HS3ST2: variants seen among roughly 807,000 people sequenced by gnomAD.
HS3ST2 encodes heparan sulfate glucosamine 3-O-sulfotransferase 2.
HS3ST2 carries 17 observed loss-of-function variants against 26.3 expected under a neutral mutation model. That is an observed-to-expected ratio of 0.65 (90% CI 0.44 to 0.97). The LOEUF is 0.97. HS3ST2 is among the 50% of genes least tolerant of loss of function. HS3ST2 has a pLI of 0.00. For missense variants in HS3ST2, 402 were observed against 501.2 expected, an observed-to-expected ratio of 0.80 and a Z score of 1.89; for synonymous variants, 237 against 219.2, an observed-to-expected ratio of 1.08 and a Z score of -0.72.
chr16:22,891,264 C>T (rs1364554136), intron 1 of HS3ST2, among the ~76,000 whole-genome samples: 2 of 152,192 alleles, frequency 1.3e-5, no homozygotes, highest in African/African-American at 4.8e-5. Flanking sequence ...ATCATAACTA[C>T]AGCTAGCAAG....
chr16:22,819,365 A>G (rs987359126), intron 1 of HS3ST2, among the ~76,000 whole-genome samples: 1 of 152,112 alleles, frequency 6.6e-6, no homozygotes, highest in Non-Finnish European at 1.5e-5. Context: ...ATCTAAGGTT[A>G]TCTTTAGGAT....
In HS3ST2 at chr16:22,826,887, G is replaced by T. The variant is rs147912113; in HGVS notation, c.485+11792G>T. 4.0e-3 allele frequency among the ~76,000 whole-genome samples: 611 copies of T among 152,314 alleles called. 5 individuals are homozygous for T. The highest frequency in any genetic ancestry group is 0.013 in the African/African-American group (545 of 41,564). On this transcript the variant is annotated intron_variant, in intron 1 of 1. Coordinates refer to ENST00000261374, the MANE Select transcript of HS3ST2 (RefSeq NM_006043.2). ...ATGAAAAAAACAGACAACAATTTCTGCCTTCATGCTGCTTACTTTTCTACA... is the reference window on the plus strand; with the variant it reads ...ATGAAAAAAACAGACAACAATTTCTTCCTTCATGCTGCTTACTTTTCTACA...
chr16:22,853,178 C>T (rs545368378), intron 1 of HS3ST2, among the ~76,000 whole-genome samples: 33 of 152,078 alleles, frequency 2.2e-4, no homozygotes, highest in Non-Finnish European at 4.0e-4. Flanking sequence ...TCAGAAAGCC[C>T]CCCATGCACC....
At chr16:22,877,415 G>A (rs755438642) in intron 1 of HS3ST2, among the ~76,000 whole-genome samples, 2 of 152,228 alleles carry the variant, frequency 1.3e-5, no homozygotes, top group Non-Finnish European at 2.9e-5. Flanking sequence ...GACTCAACAT[G>A]AGCAGACTGG....
intron 1 of HS3ST2, among the ~76,000 whole-genome samples, chr16:22,878,677 C>T (rs536947430): frequency 2.0e-5 from 3 of 152,064 alleles, no homozygotes; most frequent in Admixed American, 2.0e-4. Context: ...AGAAAAACAA[C>T]AAGAATTGAG....
chr16:22,893,826 C>T (rs947148240), intron 1 of HS3ST2, among the ~76,000 whole-genome samples: 27 of 151,820 alleles, frequency 1.8e-4, no homozygotes, highest in Non-Finnish European at 3.2e-4. Context: ...GTCCCACTGT[C>T]GCCCAGACTG....
At chr16:22,870,939 A>G (rs1009594392) in intron 1 of HS3ST2, among the ~76,000 whole-genome samples, 8 of 152,228 alleles carry the variant, frequency 5.3e-5, no homozygotes, top group Admixed American at 2.6e-4. Context: ...CGACTTTATG[A>G]TGGTGGAAAA....
At chr16:22,837,834 G>C (rs146162573) in intron 1 of HS3ST2, among the ~76,000 whole-genome samples, 1 of 151,682 alleles carries the variant, frequency 6.6e-6, no homozygotes, top group Non-Finnish European at 1.5e-5. Flanking sequence ...TACTATACTC[G>C]TTCTTCTTGT....
intron 1 of HS3ST2, among the ~76,000 whole-genome samples, chr16:22,850,896 C>A (rs1901510418): frequency 6.6e-6 from 1 of 152,158 alleles, no homozygotes; most frequent in Admixed American, 6.6e-5. Context: ...TGGGCTGTAA[C>A]CATCTGAGGG....
chr16:22,816,850 C>T (rs992993227), intron 1 of HS3ST2, among the ~76,000 whole-genome samples: 13 of 152,160 alleles, frequency 8.5e-5, no homozygotes, highest in African/African-American at 2.7e-4. Flanking sequence ...TTTGCCAATG[C>T]GAAGTGCCTT....
intron 1 of HS3ST2, among the ~76,000 whole-genome samples, chr16:22,856,987 A>T (rs577542584): frequency 2.6e-5 from 4 of 152,260 alleles, no homozygotes; most frequent in African/African-American, 9.6e-5. Flanking sequence ...CCTTAATACA[A>T]TGTACATATA....
Position 22,814,793 on chromosome 16 carries a change from G to C in HS3ST2, c.183G>C (p.Ala61=), listed in dbSNP as rs1450594992. ...GAPRCLRGPS[A]GGQKLLQKSR... ...CTCGCTGCCTCCGCGGCCCCAGCGC[G>C]GGCGGCCAGAAACTTCTCCAGAAGT... The change falls in exon 1 of 2, where the codon GCG becomes GCC. Residue 61 remains alanine, a synonymous_variant. Transcript: ENST00000261374. 1 of 1,592,608 alleles carries C rather than the reference G, an allele frequency of 6.3e-7. No individual in the cohort carries two copies. The highest frequency in any genetic ancestry group is 8.5e-7 in the Non-Finnish European group (1 of 1,171,208).
intron 1 of HS3ST2, among the ~76,000 whole-genome samples, chr16:22,909,146 A>G (rs1448045103): frequency 1.3e-5 from 2 of 152,224 alleles, no homozygotes; most frequent in East Asian, 3.8e-4. Flanking sequence ...GGTTCCTAAT[A>G]GCCTAACTTT....
intron 1 of HS3ST2, among the ~76,000 whole-genome samples, chr16:22,839,577 C>G (rs1901322606): frequency 6.6e-6 from 1 of 151,704 alleles, no homozygotes; most frequent in Non-Finnish European, 1.5e-5. Flanking sequence ...GTAGCAGTAA[C>G]TTCAGTCTTT....
intron 1 of HS3ST2, among the ~76,000 whole-genome samples, chr16:22,841,989 C>CT (rs935512124): frequency 8.2e-5 from 12 of 146,786 alleles, no homozygotes; most frequent in East Asian, 2.0e-4. Flanking sequence ...GACAATCTGT[C>CT]TTTTTTTTTC....
intron 1 of HS3ST2, among the ~76,000 whole-genome samples, chr16:22,894,066 T>C (rs1902171745): frequency 1.3e-5 from 2 of 152,190 alleles, no homozygotes; most frequent in African/African-American, 4.8e-5. Context: ...AATGATCTGC[T>C]GTCCTTGGCC....
rs115821330 is a variant in HS3ST2 at position 22,873,678 on chromosome 16, G to A, written c.486-41266G>A. ...CATGTGTTTCAGTTTGCTTTTGTTGGGTAACAAACCACCCCAAAACTTAGT... is the reference window on the plus strand; with the variant it reads ...CATGTGTTTCAGTTTGCTTTTGTTGAGTAACAAACCACCCCAAAACTTAGT... On this transcript the variant is annotated intron_variant, in intron 1 of 1. Coordinates refer to ENST00000261374, the MANE Select transcript of HS3ST2 (RefSeq NM_006043.2). Among the ~76,000 whole-genome samples, 305 of 152,218 alleles carry A rather than the reference G, an allele frequency of 2.0e-3. 1 individual carries two copies. Among genetic ancestry groups the A allele is most frequent in the African/African-American group, 6.2e-3 (259 of 41,520 alleles).
chr16:22,915,285 G>T lies in HS3ST2; in HGVS notation c.827G>T (p.Arg276Leu), dbSNP rs747167390. The change falls in exon 2 of 2, where the codon CGA becomes CTA. Residue 276 changes from arginine (R) to leucine (L), a missense_variant. Physicochemically the swap from Arg to Leu is moderately radical, Grantham distance 102 (BLOSUM62 -2). Coordinates refer to ENST00000261374, the MANE Select transcript of HS3ST2 (RefSeq NM_006043.2). ...LAQIHFVSGE[R>L]LITDPAGEMG... ...CAGATTCACTTCGTCAGTGGCGAGC[G>T]ACTCATCACTGACCCGGCCGGCGAG... is the stretch of plus-strand genomic sequence containing the variant. The T allele has an allele frequency of 2.5e-6, 4 of 1,613,992 alleles. No homozygotes were observed. In the South Asian group the frequency reaches 4.4e-5, roughly 18 times the overall value.
intron 1 of HS3ST2, among the ~76,000 whole-genome samples, chr16:22,873,579 ATGT>A (rs1901867635): frequency 6.6e-6 from 1 of 152,182 alleles, no homozygotes; most frequent in Non-Finnish European, 1.5e-5. Context: ...CCATTCTGGG[ATGT>A]TGTGGGCAGA....
Sources: gnomAD v4.1 joint callset for allele counts (sites outside exome capture counted in the v4.1 genomes callset) on GRCh38, gnomAD v4.1.1 for gene constraint, MANE v1.5 for transcripts, NCBI Gene and HGNC (gene_info 2026-07-23, HGNC 2026-07-21) for gene names.